The following PTPRQ variants were observed in gnomAD, a reference collection of about 807,000 sequenced individuals.
The protein encoded by PTPRQ is phosphatidylinositol phosphatase PTPRQ.
A neutral mutation model predicts 246.0 loss-of-function variants in PTPRQ; 199 were observed. The ratio of observed to expected loss-of-function variants is 0.81; its 90% confidence interval spans 0.72 to 0.91. The LOEUF is 0.91. PTPRQ is among the 40% of genes least tolerant of loss of function. PTPRQ has a pLI of 0.00. For missense variants in PTPRQ, 2,624 were observed against 2,528.4 expected (o/e 1.04, Z -0.81); for synonymous variants, 869 against 853.2 (o/e 1.02, Z -0.32).
intron 25 of PTPRQ, among the ~76,000 whole-genome samples, chr12:80,557,424 TC>T (rs1433933049): frequency 2.0e-5 from 3 of 151,244 alleles, no homozygotes; most frequent in Non-Finnish European, 2.9e-5. Flanking sequence ...CAAACCTATT[TC>T]CAATGTCCAG....
At chr12:80,509,724 A>G (rs1450696318) in intron 16 of PTPRQ, among the ~76,000 whole-genome samples, 2 of 152,142 alleles carry the variant, frequency 1.3e-5, no homozygotes, top group Non-Finnish European at 2.9e-5. Flanking sequence ...AGTAGATTCT[A>G]AACTATTTTC....
chr12:80,483,433 G>A (rs1414702529), intron 8 of PTPRQ, among the ~76,000 whole-genome samples: 7 of 146,938 alleles, frequency 4.8e-5, no homozygotes, highest in African/African-American at 1.0e-4. Flanking sequence ...GCTAGATGAC[G>A]AGTTAGTGGG....
intron 25 of PTPRQ, among the ~76,000 whole-genome samples, chr12:80,564,262 A>G (rs1051914572): frequency 6.6e-5 from 10 of 152,166 alleles, no homozygotes; most frequent in Non-Finnish European, 1.5e-4. Context: ...TGGTATTTCC[A>G]GATTGCTGGC....
intron 25 of PTPRQ, among the ~76,000 whole-genome samples, chr12:80,572,320 C>A (rs879733271): frequency 6.6e-5 from 10 of 151,892 alleles, no homozygotes; most frequent in Non-Finnish European, 1.5e-4. Flanking sequence ...TAGTTTGATG[C>A]AAAATACAGA....
At chr12:80,492,701 A>T (rs534806308) in intron 9 of PTPRQ, among the ~76,000 whole-genome samples, 1 of 151,962 alleles carries the variant, frequency 6.6e-6, no homozygotes, top group Admixed American at 6.6e-5. Flanking sequence ...GTTACTTTAA[A>T]TATTCCTTAT....
chr12:80,646,649 T>C (rs1900085365), intron 35 of PTPRQ, among the ~76,000 whole-genome samples: 2 of 152,296 alleles, frequency 1.3e-5, no homozygotes, highest in Middle Eastern at 3.4e-3. Context: ...CATGCGAATG[T>C]TGAGTGCCCA....
intron 8 of PTPRQ, among the ~76,000 whole-genome samples, chr12:80,483,503 G>A (rs1894153008): frequency 6.6e-6 from 1 of 151,576 alleles, no homozygotes; most frequent in South Asian, 2.1e-4. Context: ...ATGTGCACAT[G>A]TACCCTAAAA....
chr12:80,478,513 G>A (rs181203759), intron 8 of PTPRQ, among the ~76,000 whole-genome samples: 1 of 152,278 alleles, frequency 6.6e-6, no homozygotes, highest in African/African-American at 2.4e-5. Context: ...ACCAGCAATG[G>A]AACAAAGCTG....
intron 25 of PTPRQ, among the ~76,000 whole-genome samples, chr12:80,558,173 TTTTCTTTTC>T (rs1565785668): frequency 6.7e-5 from 9 of 134,602 alleles, no homozygotes; most frequent in Non-Finnish European, 1.4e-4. Context: ...CTTTTCTTTC[TTTTCTTTTC>T]TTTTTGAAAC....
chr12:80,613,325 A>G (rs575359525), intron 28 of PTPRQ, among the ~76,000 whole-genome samples: 1 of 150,820 alleles, frequency 6.6e-6, no homozygotes, highest in African/African-American at 2.4e-5. Flanking sequence ...CTCGAAAACA[A>G]ACAAAAGATT....
intron 3 of PTPRQ, among the ~76,000 whole-genome samples, chr12:80,450,354 T>A (rs1892714601): frequency 6.6e-6 from 1 of 152,184 alleles, no homozygotes; most frequent in Admixed American, 6.5e-5. Context: ...CTTTTCCTAA[T>A]TGAATACCCT....
chr12:80,479,251 C>G (rs1270270206), intron 8 of PTPRQ, among the ~76,000 whole-genome samples: 1 of 148,366 alleles, frequency 6.7e-6, no homozygotes, highest in African/African-American at 2.5e-5. Flanking sequence ...AATTTTCAAC[C>G]CAGAATTTCA....
chr12:80,447,531 A>C (rs1206998516), intron 3 of PTPRQ, among the ~76,000 whole-genome samples: 1 of 152,004 alleles, frequency 6.6e-6, no homozygotes, highest in African/African-American at 2.4e-5. Context: ...TTATAGTTTC[A>C]GGTTTTATAT....
intron 3 of PTPRQ, among the ~76,000 whole-genome samples, chr12:80,449,912 G>T (rs952657729): frequency 7.1e-4 from 108 of 152,146 alleles, no homozygotes; most frequent in Non-Finnish European, 4.9e-4. Context: ...ATTCTGTGAA[G>T]AAAGTCATTG....
chr12:80,654,023 C>CTTTCTTTCTTTTT (rs1900344017), intron 38 of PTPRQ, among the ~76,000 whole-genome samples: 2 of 146,416 alleles, frequency 1.4e-5, no homozygotes, highest in African/African-American at 5.5e-5. Flanking sequence ...TTCTTTTTTT[C>CTTTCTTTCTTTTT]TTTCTTTCTT....
intron 33 of PTPRQ, among the ~76,000 whole-genome samples, chr12:80,629,243 C>G (rs1018503322): frequency 1.3e-5 from 2 of 151,966 alleles, no homozygotes; most frequent in African/African-American, 4.8e-5. Context: ...AGTCACTAAT[C>G]CCATCAGATC....
At chr12:80,495,945 A>T in intron 12 of PTPRQ, 54 bp from the exon 13 acceptor site, 2 of 1,520,158 alleles carry the variant, frequency 1.3e-6, no homozygotes, top group Non-Finnish European at 1.8e-6. Context: ...AATGGCACCA[A>T]TCCCAAGAGT....
At chr12:80,611,619 G>T (rs1898554916) in intron 28 of PTPRQ, among the ~76,000 whole-genome samples, 1 of 150,240 alleles carries the variant, frequency 6.7e-6, no homozygotes, top group Non-Finnish European at 1.5e-5. Flanking sequence ...ATAAAGCATT[G>T]TTTGTCAAAT....
Position 80,444,360 on chromosome 12 carries a change from C to G in PTPRQ, c.15C>G (p.Ile5Met). 1.4e-6 allele frequency: 2 copies of G among 1,467,902 alleles called. No homozygotes were observed. The highest frequency in any genetic ancestry group is 1.9e-6 in the Non-Finnish European group (2 of 1,074,486). 90.9% of individuals were successfully genotyped at this position (1,467,902 alleles called of 1,614,324 possible). Residue 5 changes from isoleucine (I) to methionine (M), a missense_variant, in exon 1 of 45, where the codon ATC becomes ATG. Transcript: ENST00000644991. ...ATGTAATAAAGATGGATTTTCTTATCATTTTTCTTTTACTTTTTATTGGGA... is the reference window on the plus strand; with the variant it reads ...ATGTAATAAAGATGGATTTTCTTATGATTTTTCTTTTACTTTTTATTGGGA... MDFL[I>M]IFLLLFIGTS...
Sources: allele counts gnomAD v4.1 joint callset (sites outside exome capture counted in the v4.1 genomes callset), GRCh38; gene constraint gnomAD v4.1.1; transcripts MANE v1.5; gene names NCBI Gene and HGNC (gene_info 2026-07-23, HGNC 2026-07-21).